AS3MT: variants seen among roughly 807,000 people sequenced by gnomAD.
AS3MT encodes arsenite methyltransferase.
AS3MT carries 47 observed loss-of-function variants against 45.3 expected under a neutral mutation model. That is an observed-to-expected ratio of 1.04 (90% CI 0.82 to 1.32). The LOEUF (loss-of-function observed/expected upper bound fraction) is 1.32. AS3MT is among the 40% of genes most tolerant of loss of function. AS3MT has a pLI of 0.00. For missense variants in AS3MT, 396 were observed against 451.1 expected (o/e 0.88, Z 1.11); for synonymous variants, 141 against 152.8 (o/e 0.92, Z 0.57).
chr10:102,870,030 G>T, intron 2 of AS3MT, 54 bp from the exon 3 acceptor site: 2 of 1,570,240 alleles, frequency 1.3e-6, no homozygotes, highest in Non-Finnish European at 1.7e-6. Context: ...TCGCGCTGCA[G>T]TCACAGCTCT....
chr10:102,871,715 G>A (rs1247877015), intron 3 of AS3MT, among the ~76,000 whole-genome samples: 6 of 143,498 alleles, frequency 4.2e-5, no homozygotes, highest in South Asian at 4.4e-4. Context: ...GCGACAGAGC[G>A]AGACTCCGTC....
intron 6 of AS3MT, 127 bp from the exon 7 acceptor site, chr10:102,876,827 C>T: frequency 5.4e-6 from 5 of 926,004 alleles, no homozygotes; most frequent in Admixed American, 2.3e-5. Flanking sequence ...TATTTGTTCA[C>T]AAAGGGTCAG....
At chr10:102,897,242 G>T (rs943724115) in intron 10 of AS3MT, among the ~76,000 whole-genome samples, 8 of 151,622 alleles carry the variant, frequency 5.3e-5, no homozygotes, top group Admixed American at 1.3e-4. Flanking sequence ...AAATTAGCCG[G>T]GCGTGGTGGC....
chr10:102,870,520 A>G (rs758690298), intron 3 of AS3MT, among the ~76,000 whole-genome samples: 8 of 152,292 alleles, frequency 5.3e-5, no homozygotes, highest in Non-Finnish European at 1.0e-4. Context: ...AGCTTGGTCA[A>G]CATAGCCAGA....
intron 9 of AS3MT, among the ~76,000 whole-genome samples, chr10:102,889,643 CCTTT>C (rs796517879): frequency 5.7e-4 from 80 of 140,638 alleles, no homozygotes; most frequent in African/African-American, 1.5e-3. Context: ...TTCCTTCCTT[CCTTT>C]CTTCCTTCCT....
intron 10 of AS3MT, among the ~76,000 whole-genome samples, chr10:102,895,778 C>CTT (rs34570460): frequency 1.2e-4 from 17 of 143,024 alleles, no homozygotes; most frequent in South Asian, 2.2e-4. Context: ...ATAATACCAG[C>CTT]TTTTTTTTTT....
intron 9 of AS3MT, among the ~76,000 whole-genome samples, chr10:102,886,346 A>C (rs1233580588): frequency 2.2e-4 from 26 of 117,736 alleles, no homozygotes; most frequent in Non-Finnish European, 3.6e-4. Context: ...TTTTTTTGAG[A>C]GGGAATCTCG....
Position 102,888,873 on chromosome 10 carries a change from ATATATATATTTTT to A in AS3MT, c.886-1669_886-1657del, listed in dbSNP as rs1161782878. On this transcript the variant is annotated intron_variant, in intron 9 of 10. Transcript: ENST00000369880. ...ACCCTATATATATATATATATATAT[ATATATATATTTTT>A]TTTTTTTTTTTTGAGACGGAGTCTC... 1.1e-4 allele frequency among the ~76,000 whole-genome samples: 7 copies of A among 62,326 alleles called. 1 individual carries two copies. The East Asian group carries it at 4.0e-3, about 36-fold the overall frequency. 40.9% of individuals were successfully genotyped at this position (62,326 alleles called of 152,430 possible).
At chr10:102,896,572 C>A (rs974052072) in intron 10 of AS3MT, among the ~76,000 whole-genome samples, 47 of 151,662 alleles carry the variant, frequency 3.1e-4, no homozygotes, top group African/African-American at 9.2e-4. Context: ...ACTTTGGGAG[C>A]CGAGGCGGGT....
intron 9 of AS3MT, among the ~76,000 whole-genome samples, chr10:102,882,795 T>A (rs1372778685): frequency 6.6e-6 from 1 of 151,974 alleles, no homozygotes; most frequent in Non-Finnish European, 1.5e-5. Flanking sequence ...TTCACCATGT[T>A]GGCCAGGCTG....
chr10:102,886,976 T>G (rs546076544), intron 9 of AS3MT, among the ~76,000 whole-genome samples: 9 of 152,328 alleles, frequency 5.9e-5, no homozygotes, highest in African/African-American at 2.2e-4. Flanking sequence ...TGCTATAAAC[T>G]TTCCTCTTAG....
chr10:102,892,972 G>A (rs1225229117), intron 10 of AS3MT, among the ~76,000 whole-genome samples: 1 of 148,350 alleles, frequency 6.7e-6, no homozygotes, highest in East Asian at 2.0e-4. Flanking sequence ...GCAACAGAGT[G>A]AGACTCTGTC....
intron 9 of AS3MT, among the ~76,000 whole-genome samples, chr10:102,885,319 C>CTTTTA (rs961320548): frequency 1.6e-4 from 24 of 151,612 alleles, no homozygotes; most frequent in East Asian, 3.9e-4. Context: ...GGATTTCCTT[C>CTTTTA]TTTTATTTTA....
intron 9 of AS3MT, among the ~76,000 whole-genome samples, chr10:102,885,842 A>G (rs1844944756): frequency 7.8e-6 from 1 of 128,076 alleles, no homozygotes; most frequent in Non-Finnish European, 1.7e-5. Context: ...TAATTTTTGT[A>G]TTTTTAGTAG....
intron 10 of AS3MT, among the ~76,000 whole-genome samples, chr10:102,897,029 T>C (rs890825821): frequency 6.6e-6 from 1 of 152,156 alleles, no homozygotes; most frequent in Non-Finnish European, 1.5e-5. Flanking sequence ...AGAATCAATA[T>C]TTATTTTAAA....
intron 9 of AS3MT, among the ~76,000 whole-genome samples, chr10:102,882,520 A>G (rs901706717): frequency 6.6e-6 from 1 of 152,082 alleles, no homozygotes; most frequent in African/African-American, 2.4e-5. Context: ...CCTGGCCTCA[A>G]GGGATCCTTC....
chr10:102,878,932 A>T lies in AS3MT; in HGVS notation c.826A>T (p.Asn276Tyr). The change falls in exon 9 of 11, where the codon AAT (asparagine) becomes TAT (tyrosine). Residue 276 changes from asparagine to tyrosine, a missense_variant. Transcript: ENST00000369880. ...AACCAAGAGATGCCAAGTTATTTAC[A>T]ATGGAGGAATTACAGGACATGAAAA... ...GPTKRCQVIY[N>Y]GGITGHEKEL... 1 of 1,613,954 alleles carries T rather than the reference A, an allele frequency of 6.2e-7. No homozygotes were observed. Among genetic ancestry groups the T allele is most frequent in the Non-Finnish European group, 8.5e-7 (1 of 1,179,830 alleles).
chr10:102,883,364 G>T (rs893001656), intron 9 of AS3MT, among the ~76,000 whole-genome samples: 4 of 151,252 alleles, frequency 2.6e-5, no homozygotes, highest in African/African-American at 9.7e-5. Context: ...GCCTCCCAAA[G>T]TACTAGGATT....
chr10:102,887,206 C>T (rs117959428), intron 9 of AS3MT, among the ~76,000 whole-genome samples: 11 of 152,264 alleles, frequency 7.2e-5, no homozygotes, highest in Admixed American at 2.0e-4. Flanking sequence ...ATGATGTCTA[C>T]TTTTCTGAAT....
Sources: allele counts gnomAD v4.1 joint callset (sites outside exome capture counted in the v4.1 genomes callset), GRCh38; gene constraint gnomAD v4.1.1; transcripts MANE v1.5; gene names NCBI Gene and HGNC (gene_info 2026-07-23, HGNC 2026-07-21).